TMEM178B: variants seen among roughly 807,000 people sequenced by gnomAD.
The protein encoded by TMEM178B is transmembrane protein 178B.
In TMEM178B, 5 loss-of-function variants were observed where a neutral mutation model predicts 31.0. The ratio of observed to expected loss-of-function variants is 0.16; its 90% CI spans 0.08 to 0.34. TMEM178B has a LOEUF of 0.34. Among genes scored for constraint, TMEM178B ranks in the 10% least tolerant of loss-of-function variants. The pLI, the probability that TMEM178B is intolerant of heterozygous loss-of-function variation, is 1.00. For synonymous variants in TMEM178B, 164 were observed against 164.0 expected (o/e 1.00, Z 0.00); for missense variants, 275 against 400.3 (o/e 0.69, Z 2.67).
chr7:141,421,490 T>TGGATGA (rs1801209009), intron 2 of TMEM178B, among the ~76,000 whole-genome samples: 1 of 152,172 alleles, frequency 6.6e-6, no homozygotes, highest in South Asian at 2.1e-4. Flanking sequence ...GATCAATGAC[T>TGGATGA]CTAGGAGACC....
intron 1 of TMEM178B, among the ~76,000 whole-genome samples, chr7:141,147,959 T>C (rs977272635): frequency 2.6e-5 from 4 of 152,358 alleles, no homozygotes; most frequent in African/African-American, 9.6e-5. Flanking sequence ...TCTGTGCTGC[T>C]GTAACAAACT....
chr7:141,302,886 A>G (rs1798752454), intron 2 of TMEM178B, among the ~76,000 whole-genome samples: 2 of 152,192 alleles, frequency 1.3e-5, no homozygotes, highest in Non-Finnish European at 1.5e-5. Context: ...ACCTCCGGGC[A>G]CAGAAGACGC....
In TMEM178B at chr7:141,377,270, G is replaced by A. The variant is rs540221372; in HGVS notation, c.497-60338G>A. Among the ~76,000 whole-genome samples the A allele has an allele frequency of 2.4e-3, 367 of 151,600 alleles. 1 individual carries two copies. Among genetic ancestry groups the A allele is most frequent in the Non-Finnish European group, 4.4e-3 (299 of 67,912 alleles). Reference sequence around the variant, plus strand: ...GCTATCTCGGCTCACTGCAACCTCCGCCTCCCGGGTTCAAGTGATTCTTCT... The same window carrying A: ...GCTATCTCGGCTCACTGCAACCTCCACCTCCCGGGTTCAAGTGATTCTTCT... On this transcript the variant is annotated intron_variant, in intron 2 of 3. Coordinates refer to ENST00000565468, the MANE Select transcript of TMEM178B (RefSeq NM_001195278.2).
In TMEM178B at chr7:141,478,657, A is replaced by T. The variant is rs1010355725; in HGVS notation, c.*7871A>T. 6.6e-6 allele frequency: 1 copy of T among 152,250 alleles called. No individual in the cohort carries two copies. Among genetic ancestry groups the T allele is most frequent in the Non-Finnish European group, 1.5e-5 (1 of 68,034 alleles). The allele number at this position is 152,250 out of a possible 1,614,324, so 9.4% of individuals were successfully genotyped here. A position where few individuals can be genotyped will look rare whatever the true frequency, so the allele number is the denominator to read the frequency against. ...AGTATCACTTCAGCATGGAATCAAT[A>T]TAAAAATTACTGGGATATTTTACAT... On this transcript the variant is annotated 3_prime_UTR_variant, in exon 4 of 4. Transcript: ENST00000565468.
the TMEM178B span, among the ~76,000 whole-genome samples, chr7:141,500,604 G>A: frequency 2.0e-5 from 3 of 152,080 alleles, no homozygotes; most frequent in African/African-American, 7.2e-5. Context: ...GTAGTCCTAC[G>A]GAATTTCATC....
At chr7:141,453,902 C>CA (rs909008565) in intron 3 of TMEM178B, among the ~76,000 whole-genome samples, 12 of 115,694 alleles carry the variant, frequency 1.0e-4, no homozygotes, top group Admixed American at 1.0e-3. Flanking sequence ...GTGAATGAAG[C>CA]AAAAAATCCC....
At chr7:141,300,558 C>T (rs188754183) in intron 2 of TMEM178B, among the ~76,000 whole-genome samples, 166 of 152,228 alleles carry the variant, frequency 1.1e-3, no homozygotes, top group Middle Eastern at 0.01. Context: ...CTCCTCTCCG[C>T]GAGCTTGGAT....
rs1284951206 is a variant in TMEM178B, at chr7:141,159,784, G to A, written c.383-52807G>A. Among the ~76,000 whole-genome samples the A allele has an allele frequency of 3.9e-5, 6 of 151,940 alleles. No individual in the cohort carries two copies. In the East Asian group the frequency reaches 1.2e-3, roughly 29 times the overall value. On this transcript the variant is annotated intron_variant, in intron 1 of 3. Coordinates refer to ENST00000565468, the MANE Select transcript of TMEM178B (RefSeq NM_001195278.2). ...ATGGACAAATTCATAGAGACAGAAG[G>A]TAGAAGGGTGGTCGTCAGGGGGTTG...
Position 141,325,894 on chromosome 7 carries a change from A to C in TMEM178B, c.497-111714A>C, listed in dbSNP as rs536975442. Among the ~76,000 whole-genome samples, 20 of 152,288 alleles carry C rather than the reference A, an allele frequency of 1.3e-4. No homozygotes were observed. In the East Asian group the frequency reaches 3.9e-3, roughly 29 times the overall value. On this transcript the variant is annotated intron_variant, in intron 2 of 3. Coordinates refer to ENST00000565468, the MANE Select transcript of TMEM178B (RefSeq NM_001195278.2). ...AGAAATGTAAAGACCTTGTAGGTTT[A>C]GTCCTGGGAATAACTGAGTATTTTT...
chr7:141,499,464 C>CAAAAAAAAAAAAA, the TMEM178B span, among the ~76,000 whole-genome samples: 7 of 50,714 alleles, frequency 1.4e-4, no homozygotes, highest in African/African-American at 3.9e-4. Flanking sequence ...CACATCTCTA[C>CAAAAAAAAAAAAA]AAAAAAAAAA....
At chr7:141,418,285 T>A (rs1801136671) in intron 2 of TMEM178B, among the ~76,000 whole-genome samples, 1 of 152,072 alleles carries the variant, frequency 6.6e-6, no homozygotes, top group African/African-American at 2.4e-5. Context: ...GACTTTCACT[T>A]CCTTACCTCC....
intron 2 of TMEM178B, among the ~76,000 whole-genome samples, chr7:141,408,457 A>G (rs76621867): frequency 0.029 from 4,466 of 152,264 alleles, 87 homozygotes; most frequent in South Asian, 0.056. Context: ...GCAGGTCTGG[A>G]GTGGGCCTAA....
intron 2 of TMEM178B, among the ~76,000 whole-genome samples, chr7:141,319,556 T>G (rs1222044098): frequency 2.0e-5 from 3 of 151,952 alleles, no homozygotes; most frequent in African/African-American, 7.2e-5. Context: ...TTACTTTCTT[T>G]CTTTCTTTTT....
rs577960922 is a variant in TMEM178B, at chr7:141,114,376, G to A, written c.382+39684G>A. Among the ~76,000 whole-genome samples the A allele has an allele frequency of 1.2e-4, 18 of 152,172 alleles. No individual in the cohort carries two copies. In the East Asian group the frequency reaches 3.3e-3, roughly 28 times the overall value. On this transcript the variant is annotated intron_variant, in intron 1 of 3. Transcript: ENST00000565468. ...AGCTGCACTGTATCTCCCTTCAGCT[G>A]CACTGTATCTCCCTTCAGCTGCACT...
At chr7:141,186,559 T>C (rs543118080) in intron 1 of TMEM178B, among the ~76,000 whole-genome samples, 17 of 152,238 alleles carry the variant, frequency 1.1e-4, no homozygotes, top group Non-Finnish European at 2.2e-4. Flanking sequence ...TGACACCAGC[T>C]TAATCTTATA....
At chr7:141,495,335 A>G in the TMEM178B span, among the ~76,000 whole-genome samples, 1 of 152,228 alleles carries the variant, frequency 6.6e-6, no homozygotes, top group Non-Finnish European at 1.5e-5. Context: ...CCGTGCTCTC[A>G]TCTTCAGTGG....
chr7:141,466,913 G>T (rs1458278124), intron 3 of TMEM178B, among the ~76,000 whole-genome samples: 2 of 152,142 alleles, frequency 1.3e-5, no homozygotes, highest in South Asian at 2.1e-4. Context: ...GCTGGCTTTG[G>T]TCTGCTGGAA....
intron 2 of TMEM178B, among the ~76,000 whole-genome samples, chr7:141,391,812 A>G (rs1399705867): frequency 6.6e-6 from 1 of 152,086 alleles, no homozygotes; most frequent in African/African-American, 2.4e-5. Flanking sequence ...CATTTCACTT[A>G]GCATTATGTC....
intron 2 of TMEM178B, among the ~76,000 whole-genome samples, chr7:141,311,260 TAACA>T (rs1300135007): frequency 1.3e-5 from 2 of 152,244 alleles, no homozygotes; most frequent in Non-Finnish European, 2.9e-5. Context: ...TTTACCTATG[TAACA>T]AACAGGCACA....
Sources: allele counts gnomAD v4.1 joint callset (sites outside exome capture counted in the v4.1 genomes callset), GRCh38; gene constraint gnomAD v4.1.1; transcripts MANE v1.5; gene names NCBI Gene and HGNC (gene_info 2026-07-23, HGNC 2026-07-21).